Variants in INSIG2 observed in about 807,000 individuals in gnomAD.
INSIG2 encodes the protein insulin-induced gene 2 protein.
Under a neutral mutation model 27.2 loss-of-function variants are expected in INSIG2, and 10 were observed. The ratio of observed to expected loss-of-function variants is 0.37; its 90% confidence interval spans 0.23 to 0.62. The LOEUF (loss-of-function observed/expected upper bound fraction) is 0.62, where lower values mean the gene tolerates loss of function less well. Among genes scored for constraint, INSIG2 ranks in the 20% least tolerant of loss-of-function variants. INSIG2 has a pLI of 0.65. For synonymous variants in INSIG2, 97 were observed against 95.8 expected (o/e 1.01, Z -0.07); for missense variants, 178 against 270.2 (o/e 0.66, Z 2.39).
rs1678732680 is a variant in INSIG2, at chr2:118,108,498, T to G, written c.*176T>G. 2.1e-6 allele frequency: 1 copy of G among 482,588 alleles called. No individual in the cohort carries two copies. The highest frequency in any genetic ancestry group is 3.7e-5 in the East Asian group (1 of 27,374). The allele number at this position is 482,588 out of a possible 1,614,324, so 29.9% of individuals were successfully genotyped here. On this transcript the variant is annotated 3_prime_UTR_variant, in exon 6 of 6. Coordinates refer to ENST00000245787, the MANE Select transcript of INSIG2 (RefSeq NM_016133.4). ...CACACACACATATTACTGCAATCTG[T>G]GATTGCTTCATCTGTAAATCAGTTG...
At chr2:118,106,100 G>C (rs150292904) in intron 3 of INSIG2, among the ~76,000 whole-genome samples, 22 of 152,322 alleles carry the variant, frequency 1.4e-4, no homozygotes, top group African/African-American at 5.1e-4. Flanking sequence ...TTGGCAGGTT[G>C]TAAGATAATG....
In INSIG2 at chr2:118,093,860, T is replaced by TGAG. The variant is rs1407062843; in HGVS notation, c.-138-2557_-138-2556insGGA. 1.1e-4 allele frequency among the ~76,000 whole-genome samples: 8 copies of TGAG among 75,630 alleles called. 1 individual carries two copies. Among genetic ancestry groups the TGAG allele is most frequent in the Admixed American group, 2.5e-4 (2 of 7,952 alleles). The allele number at this position is 75,630 out of a possible 152,430, so 49.6% of individuals were successfully genotyped here. A position where few individuals can be genotyped will look rare whatever the true frequency, so the allele number is the denominator to read the frequency against. On this transcript the variant is annotated intron_variant, in intron 1 of 5. Coordinates refer to ENST00000245787, the MANE Select transcript of INSIG2 (RefSeq NM_016133.4). ...GCTGAAAGCAACCAGATGATGATGATGATGAGGAGGAGGAGGAGGAGGAGG... is the reference window on the plus strand; with the variant it reads ...GCTGAAAGCAACCAGATGATGATGATGAGGATGAGGAGGAGGAGGAGGAGGAGG...
At position 118,108,363 on chromosome 2, in the gene INSIG2, A is replaced by G. The variant is rs184785376; in HGVS notation, c.*41A>G. On this transcript the variant is annotated 3_prime_UTR_variant, in exon 6 of 6. Transcript: ENST00000245787. Reference sequence around the variant, plus strand: ...TCTTTTGTACAGAAAAGCAAGATGAAAAGGATGTGAAATGGTAGATATACC... The same window carrying G: ...TCTTTTGTACAGAAAAGCAAGATGAGAAGGATGTGAAATGGTAGATATACC... The G allele has an allele frequency of 9.1e-4, 1,343 of 1,478,674 alleles. 19 individuals carry two copies. The African/African-American group carries it at 0.016, about 18-fold the overall frequency. The allele number at this position is 1,478,674 out of a possible 1,614,324, so 91.6% of individuals were successfully genotyped here. A position where few individuals can be genotyped will look rare whatever the true frequency, so the allele number is the denominator to read the frequency against.
chr2:118,092,858 C>G (rs1390008592), intron 1 of INSIG2, among the ~76,000 whole-genome samples: 2 of 148,070 alleles, frequency 1.4e-5, no homozygotes, highest in East Asian at 2.0e-4. Flanking sequence ...TAAAAGCAAC[C>G]AGATGATGAT....
rs1294356687 is a variant in INSIG2 at position 118,092,170 on chromosome 2, T to A, written c.-139+3629T>A. Among the ~76,000 whole-genome samples the A allele has an allele frequency of 2.6e-5, 4 of 152,270 alleles. No homozygotes were observed. In the East Asian group the frequency reaches 7.7e-4, roughly 29 times the overall value. The stretch of plus-strand genomic sequence containing the variant: ...TGGAAAAATCACAAACAGAAACAAA[T>A]GATACGCTGTCTCAATGTGGGTTAC... On this transcript the variant is annotated intron_variant, in intron 1 of 5. Transcript: ENST00000245787.
chr2:118,097,157 A>G (rs1386735304), intron 2 of INSIG2, among the ~76,000 whole-genome samples: 1 of 16,210 alleles, frequency 6.2e-5, no homozygotes, highest in Non-Finnish European at 1.2e-4. Context: ...TAACGTATGT[A>G]CTCCCTTCTG....
At chr2:118,103,893 C>T (rs1404327297) in intron 3 of INSIG2, among the ~76,000 whole-genome samples, 1 of 152,148 alleles carries the variant, frequency 6.6e-6, no homozygotes, top group East Asian at 1.9e-4. Context: ...AAGATTCAGA[C>T]ATTTTATTTA....
chr2:118,096,937 TTTGAA>T, intron 2 of INSIG2, 137 bp downstream of exon 2: 1 of 954,438 alleles, frequency 1.0e-6, no homozygotes, highest in Non-Finnish European at 1.5e-6. Context: ...ACTGGACCCG[TTTGAA>T]TTGAACAACT....
Position 118,106,812 on chromosome 2 carries a change from G to C in INSIG2, c.445G>C (p.Asp149His). Residue 149 changes from aspartate to histidine, a missense_variant, in exon 4 of 6, where the codon GAT (aspartate) becomes CAT (histidine). Physicochemically the swap from Asp to His is moderately conservative, Grantham distance 81. Transcript: ENST00000245787. ...ATCCATTGGACTGTGGTGGACTTTT[G>C]ATAGATCTAGAAGTGGTTTTGGCCT... is the stretch of plus-strand genomic sequence containing the variant. ...ALSIGLWWTF[D>H]RSRSGFGLGV... 2 of 1,614,096 alleles carry C rather than the reference G, an allele frequency of 1.2e-6. No individual in the cohort carries two copies. Among genetic ancestry groups the C allele is most frequent in the Non-Finnish European group, 1.7e-6 (2 of 1,179,958 alleles).
intron 5 of INSIG2, among the ~76,000 whole-genome samples, 188 bp from the exon 6 acceptor site, chr2:118,108,093 G>A (rs72839628): frequency 0.13 from 20,268 of 152,082 alleles, 2,367 homozygotes; most frequent in African/African-American, 0.31. Flanking sequence ...CTTCCAGAAT[G>A]TGAATTATTT....
intron 1 of INSIG2, among the ~76,000 whole-genome samples, chr2:118,094,179 TGAG>T (rs1303495471): frequency 1.7e-5 from 2 of 121,046 alleles, no homozygotes; most frequent in African/African-American, 3.4e-5. Flanking sequence ...ATGATGATGA[TGAG>T]GAGGAGGAGG....
chr2:118,106,170 G>C (rs1678666823), intron 3 of INSIG2, among the ~76,000 whole-genome samples: 1 of 152,114 alleles, frequency 6.6e-6, no homozygotes, highest in Non-Finnish European at 1.5e-5. Context: ...TAATAGAAAG[G>C]GATACTGTGT....
chr2:118,088,861 G>A (rs760362518), intron 1 of INSIG2, among the ~76,000 whole-genome samples: 2 of 152,194 alleles, frequency 1.3e-5, no homozygotes, highest in Admixed American at 1.3e-4. Flanking sequence ...CCAATGGTCT[G>A]ATGAGGTGGA....
At chr2:118,093,588 TGATGAGGAG>T (rs1295447435) in intron 1 of INSIG2, among the ~76,000 whole-genome samples, 1 of 17,042 alleles carries the variant, frequency 5.9e-5, no homozygotes, top group African/African-American at 2.0e-4. Flanking sequence ...ATGATGATGA[TGATGAGGAG>T]GAGGAGGAGG....
intron 5 of INSIG2, among the ~76,000 whole-genome samples, chr2:118,107,795 T>C (rs1437979509): frequency 6.6e-6 from 1 of 152,200 alleles, no homozygotes; most frequent in Non-Finnish European, 1.5e-5. Context: ...TTTATAGCTG[T>C]ACTTTAAAAA....
intron 1 of INSIG2, among the ~76,000 whole-genome samples, chr2:118,091,111 A>T (rs760046752): frequency 6.6e-6 from 1 of 152,222 alleles, no homozygotes; most frequent in Non-Finnish European, 1.5e-5. Flanking sequence ...AAAGATATAG[A>T]TCCACTTTGT....
At chr2:118,101,000 G>A (rs1429522500) in intron 2 of INSIG2, among the ~76,000 whole-genome samples, 1 of 152,084 alleles carries the variant, frequency 6.6e-6, no homozygotes, top group Non-Finnish European at 1.5e-5. Flanking sequence ...TGTGATTTTT[G>A]CATCAGAGAA....
intron 2 of INSIG2, among the ~76,000 whole-genome samples, chr2:118,101,420 A>G (rs949011960): frequency 6.6e-6 from 1 of 152,216 alleles, no homozygotes; most frequent in Non-Finnish European, 1.5e-5. Flanking sequence ...ATAAAAATAT[A>G]GTCGATTTTA....
At chr2:118,103,523 T>C (rs1678602013) in intron 3 of INSIG2, among the ~76,000 whole-genome samples, 1 of 152,228 alleles carries the variant, frequency 6.6e-6, no homozygotes, top group Admixed American at 6.5e-5. Flanking sequence ...TTTCATTGTG[T>C]ATTTTTCACT....
Sources: gnomAD v4.1 joint callset for allele counts (sites outside exome capture counted in the v4.1 genomes callset) on GRCh38, gnomAD v4.1.1 for gene constraint, MANE v1.5 for transcripts, NCBI Gene and HGNC (gene_info 2026-07-23, HGNC 2026-07-21) for gene names.